RUBCNL: variants seen among roughly 807,000 people sequenced by gnomAD.
RUBCNL encodes the protein rubicon like autophagy enhancer.
Under a neutral mutation model 69.5 loss-of-function variants are expected in RUBCNL, and 62 were observed. That is an observed-to-expected ratio of 0.89 (90% CI 0.73 to 1.10). The LOEUF (loss-of-function observed/expected upper bound fraction) is 1.10, where lower values mean the gene tolerates loss of function less well. Ranked by LOEUF, RUBCNL falls within the 50% of genes least tolerant of loss-of-function variation. The pLI is 0.00. For missense variants in RUBCNL, 768 were observed against 798.1 expected (o/e 0.96, Z 0.45); for synonymous variants, 291 against 303.6 (o/e 0.96, Z 0.43).
intron 2 of RUBCNL, among the ~76,000 whole-genome samples, chr13:46,373,451 G>C (rs1199174626): frequency 6.6e-6 from 1 of 152,118 alleles, no homozygotes; most frequent in East Asian, 1.9e-4. Flanking sequence ...AACATTTAAA[G>C]AACACAGTAT....
Position 46,370,917 on chromosome 13 carries a change from G to GAA in RUBCNL, c.535+1022_535+1023dup, listed in dbSNP as rs34771125. Among the ~76,000 whole-genome samples the GAA allele has an allele frequency of 2.0e-3, 235 of 116,058 alleles. 3 individuals carry two copies. The South Asian group carries it at 0.04, about 20-fold the overall frequency. The allele number at this position is 116,058 out of a possible 152,430, so 76.1% of individuals were successfully genotyped here. On this transcript the variant is annotated intron_variant, in intron 3 of 14. Coordinates refer to ENST00000429979, the MANE Select transcript of RUBCNL (RefSeq NM_025113.5). Reference sequence around the variant, plus strand: ...TCCAAGCAAGTGAGCAAAAAAATAGGAAAAAAAAAAAAAAAAGGCCTGTAA... The same window carrying GAA: ...TCCAAGCAAGTGAGCAAAAAAATAGGAAAAAAAAAAAAAAAAAAGGCCTGTAA...
At chr13:46,345,223 C>T (rs1460780242) in intron 13 of RUBCNL, among the ~76,000 whole-genome samples, 1 of 152,196 alleles carries the variant, frequency 6.6e-6, no homozygotes, top group Non-Finnish European at 1.5e-5. Context: ...CAGAACTGGG[C>T]ACCCAGATGA....
upstream of RUBCNL, among the ~76,000 whole-genome samples, chr13:46,389,441 G>A (rs2049310179): frequency 6.6e-6 from 1 of 152,186 alleles, no homozygotes; most frequent in Non-Finnish European, 1.5e-5. The surrounding 1 kb of genome is among the most constrained non-coding windows in gnomAD (Gnocchi z 4.2). Context: ...GAAACAAGAG[G>A]AAATGTCATG....
At position 46,336,219 on chromosome 13, in the gene RUBCNL, C is replaced by A. The variant is rs975103835; in HGVS notation, c.*7166G>T. Reference sequence around the variant, plus strand: ...GGTCTTTAGTAATTTACTAAATAACCAAGAAAACCAGGAGCTTTGGGTACC... The same window carrying A: ...GGTCTTTAGTAATTTACTAAATAACAAAGAAAACCAGGAGCTTTGGGTACC... On this transcript the variant is annotated 3_prime_UTR_variant, in exon 15 of 15. Coordinates refer to ENST00000429979, the MANE Select transcript of RUBCNL (RefSeq NM_025113.5). Among the ~76,000 whole-genome samples, 5 of 152,096 alleles carry A rather than the reference C, an allele frequency of 3.3e-5. No individual in the cohort carries two copies. Among genetic ancestry groups the A allele is most frequent in the African/African-American group, 1.2e-4 (5 of 41,402 alleles).
At chr13:46,371,854 T>C (rs1343549787) in intron 3 of RUBCNL, 87 bp downstream of exon 3, 8 of 1,360,300 alleles carry the variant, frequency 5.9e-6, no homozygotes, top group African/African-American at 2.9e-5. Flanking sequence ...CATTGTCCCA[T>C]GGGGAAGACA....
At chr13:46,346,572 G>T (rs2048250570) in intron 12 of RUBCNL, among the ~76,000 whole-genome samples, 1 of 152,078 alleles carries the variant, frequency 6.6e-6, no homozygotes, top group Admixed American at 6.6e-5. Flanking sequence ...GGATATTCAA[G>T]ATTTTTTGTA....
Position 46,343,253 on chromosome 13 carries a change from TAA to T in RUBCNL, c.*130_*131del, listed in dbSNP as rs1410704209. 64 of 1,374,524 alleles carry T rather than the reference TAA, an allele frequency of 4.7e-5. No homozygotes were observed. The highest frequency in any genetic ancestry group is 2.9e-5 in the Non-Finnish European group (29 of 1,000,582). 85.1% of individuals were successfully genotyped at this position (1,374,524 alleles called of 1,614,324 possible). A position where few individuals can be genotyped will look rare whatever the true frequency, so the allele number is the denominator to read the frequency against. On this transcript the variant is annotated 3_prime_UTR_variant, in exon 15 of 15. Transcript: ENST00000429979. ...CTTTTGAAACATTAAGTATATGCAATAAAGAGAATATAGACCATCTTTTTCCT... is the reference window on the plus strand; with the variant it reads ...CTTTTGAAACATTAAGTATATGCAATAGAGAATATAGACCATCTTTTTCCT...
Position 46,362,949 on chromosome 13 carries a change from T to TATATAC in RUBCNL, c.925+165_925+166insGTATAT, listed in dbSNP as rs1236978527. ...ATATATATATATATAGATATATATA[T>TATATAC]ATATATATATATATATATATATATA... is the stretch of plus-strand genomic sequence containing the variant. On this transcript the variant is annotated intron_variant, in intron 6 of 14. Coordinates refer to ENST00000429979, the MANE Select transcript of RUBCNL (RefSeq NM_025113.5). 2.4e-3 allele frequency among the ~76,000 whole-genome samples: 155 copies of TATATAC among 63,466 alleles called. 8 individuals are homozygous for TATATAC. The highest frequency in any genetic ancestry group is 0.013 in the African/African-American group (129 of 10,150). The allele number at this position is 63,466 out of a possible 152,430, so 41.6% of individuals were successfully genotyped here.
At chr13:46,385,319 A>C (rs907031662) in intron 1 of RUBCNL, 43 of 946,032 alleles carry the variant, frequency 4.5e-5, no homozygotes, top group Admixed American at 2.5e-4. Flanking sequence ...AAAAGAAAAA[A>C]CAATCAGAGA....
At chr13:46,368,929 T>G in intron 3 of RUBCNL, 114 bp from the exon 4 acceptor site, 4 of 736,616 alleles carry the variant, frequency 5.4e-6, no homozygotes, top group Non-Finnish European at 9.2e-6. Context: ...TAAGCACAAT[T>G]CTAGAATAAA....
intron 12 of RUBCNL, among the ~76,000 whole-genome samples, chr13:46,348,861 C>T (rs1021573765): frequency 2.0e-5 from 3 of 152,120 alleles, no homozygotes; most frequent in African/African-American, 7.2e-5. Flanking sequence ...CTCGGCCTCC[C>T]AAAGTACTGG....
At chr13:46,375,392 G>T (rs1263145581) in intron 2 of RUBCNL, among the ~76,000 whole-genome samples, 2 of 152,206 alleles carry the variant, frequency 1.3e-5, no homozygotes, top group Non-Finnish European at 2.9e-5. Flanking sequence ...AATTAGCTGG[G>T]CGTGGTGGCG....
chr13:46,386,398 G>A (rs905552067), intron 1 of RUBCNL, among the ~76,000 whole-genome samples: 4 of 152,082 alleles, frequency 2.6e-5, no homozygotes, highest in African/African-American at 7.2e-5. Flanking sequence ...ACCCAGTAAG[G>A]GCAGCTCTTG....
Position 46,359,591 on chromosome 13 carries a change from C to G in RUBCNL, c.1160G>C (p.Ser387Thr). 1.9e-6 allele frequency: 3 copies of G among 1,592,680 alleles called. 1 individual carries two copies. Among genetic ancestry groups the G allele is most frequent in the South Asian group, 2.3e-5 (2 of 87,732 alleles). ...TTTAATTTCCTGTACTACATTCATA[C>G]TGGATTCAAAGTCTTTTCGGACACA... ...EECVRKDFES[S>T]MNVVQEIKFK... The change falls in exon 9 of 15, where the codon AGT becomes ACT. Residue 387 changes from serine (S) to threonine (T), a missense_variant. Ser to Thr is a moderately conservative substitution (Grantham distance 58). Coordinates refer to ENST00000429979, the MANE Select transcript of RUBCNL (RefSeq NM_025113.5).
chr13:46,382,562 C>T (rs1014118045), intron 1 of RUBCNL, among the ~76,000 whole-genome samples: 9 of 152,086 alleles, frequency 5.9e-5, no homozygotes, highest in African/African-American at 1.7e-4. Flanking sequence ...GACAAAGTTT[C>T]GCTCTTGTCA....
In RUBCNL at chr13:46,343,091, C is replaced by T. The variant is rs193133619; in HGVS notation, c.*294G>A. 1.3e-3 allele frequency: 598 copies of T among 461,690 alleles called. No homozygotes were observed. The highest frequency in any genetic ancestry group is 1.9e-3 in the Non-Finnish European group (499 of 258,118). 28.6% of individuals were successfully genotyped at this position (461,690 alleles called of 1,614,324 possible). A position where few individuals can be genotyped will look rare whatever the true frequency, so the allele number is the denominator to read the frequency against. ...ATATATGCACACACATACAAACTGG[C>T]TCAGCATCAGTGAAACATAACTATT... On this transcript the variant is annotated 3_prime_UTR_variant, in exon 15 of 15. Transcript: ENST00000429979.
intron 5 of RUBCNL, among the ~76,000 whole-genome samples, chr13:46,367,068 G>A (rs181708684): frequency 2.4e-4 from 36 of 152,290 alleles, no homozygotes; most frequent in Admixed American, 1.5e-3. Context: ...TAGGACTGGA[G>A]GCAGGACTTA....
chr13:46,343,640 A>G lies in RUBCNL; in HGVS notation c.1877-143T>C, dbSNP rs992758487. On this transcript the variant is annotated intron_variant, in intron 14 of 14. Transcript: ENST00000429979. ...CTAAAAAGAAACCAGCCAGGCTGAAACGCACGTTTCAGCAGGTCACATTTC... is the reference window on the plus strand; with the variant it reads ...CTAAAAAGAAACCAGCCAGGCTGAAGCGCACGTTTCAGCAGGTCACATTTC... The G allele has an allele frequency of 3.8e-6, 3 of 783,020 alleles. No homozygotes were observed. In the African/African-American group the frequency reaches 5.3e-5, roughly 14 times the overall value. 48.5% of individuals were successfully genotyped at this position (783,020 alleles called of 1,614,324 possible).
chr13:46,384,644 A>AT (rs1395546613), intron 1 of RUBCNL, among the ~76,000 whole-genome samples: 9 of 152,202 alleles, frequency 5.9e-5, no homozygotes, highest in African/African-American at 2.2e-4. Flanking sequence ...GAATGAATGC[A>AT]TTTTTGAACA....
Sources: allele counts gnomAD v4.1 joint callset (sites outside exome capture counted in the v4.1 genomes callset), GRCh38; gene constraint gnomAD v4.1.1; non-coding constraint Gnocchi (gnomAD v3.1); transcripts MANE v1.5; gene names NCBI Gene and HGNC (gene_info 2026-07-23, HGNC 2026-07-21).